Variants in METAP1 observed in about 807,000 individuals in gnomAD.
METAP1 encodes the protein methionyl aminopeptidase 1.
In METAP1, 28 loss-of-function variants were observed where a neutral mutation model predicts 53.8. The observed-to-expected ratio is 0.52, with a 90% CI of 0.39 to 0.71. The LOEUF is 0.71. Ranked by LOEUF, METAP1 falls within the 30% of genes least tolerant of loss-of-function variation. METAP1 has a pLI of 0.00. For synonymous variants in METAP1, 181 were observed against 165.7 expected (o/e 1.09, Z -0.71); for missense variants, 389 against 479.8 (o/e 0.81, Z 1.77).
intron 9 of METAP1, among the ~76,000 whole-genome samples, chr4:99,056,273 C>T (rs1486117221): frequency 6.6e-6 from 1 of 152,152 alleles, no homozygotes; most frequent in Non-Finnish European, 1.5e-5. Flanking sequence ...AGCTGATACC[C>T]TTATTAGGTT....
chr4:99,061,391 G>A lies in METAP1; in HGVS notation c.*74G>A. 6.6e-6 allele frequency: 9 copies of A among 1,370,936 alleles called. No homozygotes were observed. The highest frequency in any genetic ancestry group is 8.9e-6 in the Non-Finnish European group (9 of 1,012,766). The allele number at this position is 1,370,936 out of a possible 1,614,324, so 84.9% of individuals were successfully genotyped here. A position where few individuals can be genotyped will look rare whatever the true frequency, so the allele number is the denominator to read the frequency against. ...TTTATTGAGAGTACAGAAAGGAAGA[G>A]GAACCTTTTTTTAATCACTTGTTTT... On this transcript the variant is annotated 3_prime_UTR_variant, in exon 11 of 11. Transcript: ENST00000296411.
chr4:99,038,410 T>C (rs1214416400), intron 4 of METAP1, among the ~76,000 whole-genome samples: 1 of 152,066 alleles, frequency 6.6e-6, no homozygotes, highest in Admixed American at 6.5e-5. Flanking sequence ...GGCCATGTTA[T>C]CAGAATTAAC....
intron 2 of METAP1, 65 bp from the exon 3 acceptor site, chr4:99,034,165 A>G: frequency 3.1e-6 from 3 of 963,852 alleles, no homozygotes; most frequent in Non-Finnish European, 4.9e-6. Flanking sequence ...CATTAGCTTG[A>G]CCACTGAAAC....
intron 4 of METAP1, among the ~76,000 whole-genome samples, chr4:99,038,719 A>T (rs1725617759): frequency 6.6e-6 from 1 of 152,136 alleles, no homozygotes; most frequent in Non-Finnish European, 1.5e-5. Context: ...GAAGATTTTT[A>T]GGGCAATATT....
At chr4:99,015,299 A>G (rs1278990040) in intron 1 of METAP1, among the ~76,000 whole-genome samples, 1 of 152,226 alleles carries the variant, frequency 6.6e-6, no homozygotes, top group Non-Finnish European at 1.5e-5. Context: ...TTGGGATAAT[A>G]GAAGTTTGAT....
intron 4 of METAP1, chr4:99,035,872 G>A (rs1725387480): frequency 6.4e-6 from 1 of 155,716 alleles, no homozygotes; most frequent in Non-Finnish European, 1.4e-5. Context: ...GGTGGTGATA[G>A]TGATAGTAAT....
chr4:99,054,042 A>G (rs1433016570), intron 9 of METAP1, among the ~76,000 whole-genome samples: 2 of 148,238 alleles, frequency 1.3e-5, no homozygotes, highest in Non-Finnish European at 2.9e-5. Context: ...GGAATGGTAG[A>G]TGAGCATTGG....
At chr4:99,045,482 G>A (rs1457521241) in intron 8 of METAP1, among the ~76,000 whole-genome samples, 172 bp downstream of exon 8, 1 of 152,166 alleles carries the variant, frequency 6.6e-6, no homozygotes, top group Non-Finnish European at 1.5e-5. Flanking sequence ...GAATCTCTTG[G>A]TGGTGATAGA....
intron 1 of METAP1, among the ~76,000 whole-genome samples, chr4:98,998,958 G>A (rs1722786546): frequency 6.6e-6 from 1 of 152,074 alleles, no homozygotes; most frequent in African/African-American, 2.4e-5. Context: ...TTACAGGCAT[G>A]CACCACCACG....
intron 1 of METAP1, 21 bp downstream of exon 1, chr4:98,995,888 G>T (rs1264149829): frequency 2.4e-5 from 36 of 1,519,026 alleles, no homozygotes; most frequent in Non-Finnish European, 3.0e-5. Context: ...GCTGCCCCGC[G>T]GATATGCCGC....
chr4:99,022,300 C>T, intron 1 of METAP1: 1 of 695,058 alleles, frequency 1.4e-6, no homozygotes, highest in East Asian at 3.2e-5. Flanking sequence ...TGGAAGGGGC[C>T]TCCCTTGCCC....
chr4:99,046,146 G>C (rs938411737), intron 8 of METAP1, among the ~76,000 whole-genome samples: 8 of 152,142 alleles, frequency 5.3e-5, no homozygotes, highest in Non-Finnish European at 7.4e-5. Flanking sequence ...GGGCATGGTG[G>C]CTCACTCCTG....
intron 1 of METAP1, among the ~76,000 whole-genome samples, chr4:99,015,065 C>T (rs969183009): frequency 1.3e-5 from 2 of 152,266 alleles, no homozygotes; most frequent in Non-Finnish European, 1.5e-5. Flanking sequence ...ACTCCAAATC[C>T]GTCGCATGTG....
chr4:99,028,842 T>C, intron 1 of METAP1, 25 bp from the exon 2 acceptor site: 7 of 1,502,442 alleles, frequency 4.7e-6, no homozygotes, highest in Non-Finnish European at 6.3e-6. Flanking sequence ...GGCCTGACAC[T>C]AATTTTCCTT....
chr4:99,027,946 G>A (rs556735248), intron 1 of METAP1, among the ~76,000 whole-genome samples: 2 of 44,148 alleles, frequency 4.5e-5, no homozygotes, highest in African/African-American at 1.0e-4. Context: ...GGTTAACTAC[G>A]TAGTCCTAGG....
chr4:98,998,710 A>G (rs1722765545), intron 1 of METAP1, among the ~76,000 whole-genome samples: 1 of 152,120 alleles, frequency 6.6e-6, no homozygotes, highest in South Asian at 2.1e-4. Context: ...TCACACCATT[A>G]ACAGAAGTAA....
At chr4:99,050,801 T>C (rs756300288) in intron 9 of METAP1, among the ~76,000 whole-genome samples, 17 of 152,148 alleles carry the variant, frequency 1.1e-4, no homozygotes, top group Admixed American at 3.3e-4. Context: ...TCATCCTGAA[T>C]CATCCCCCCA....
At chr4:99,012,265 G>A (rs1190595586) in intron 1 of METAP1, among the ~76,000 whole-genome samples, 1 of 110,546 alleles carries the variant, frequency 9.0e-6, no homozygotes, top group Non-Finnish European at 1.8e-5. Flanking sequence ...GGTTGTTAAT[G>A]TGAGTTTTTT....
intron 1 of METAP1, among the ~76,000 whole-genome samples, chr4:99,019,524 T>G (rs1723964703): frequency 6.6e-6 from 1 of 152,174 alleles, no homozygotes; most frequent in South Asian, 2.1e-4. Flanking sequence ...GCTCTACATC[T>G]CCACCCTTTA....
Sources: allele counts gnomAD v4.1 joint callset (sites outside exome capture counted in the v4.1 genomes callset), GRCh38; gene constraint gnomAD v4.1.1; transcripts MANE v1.5; gene names NCBI Gene and HGNC (gene_info 2026-07-23, HGNC 2026-07-21).